Variants in NSMCE2 observed in about 807,000 individuals in gnomAD.
NSMCE2 encodes E3 SUMO-protein ligase NSE2.
Under a neutral mutation model 23.8 loss-of-function variants are expected in NSMCE2, and 24 were observed. That is an observed-to-expected ratio of 1.01 (90% CI 0.73 to 1.42). The LOEUF (loss-of-function observed/expected upper bound fraction) is 1.42, where lower values mean the gene tolerates loss of function less well. Ranked by LOEUF, NSMCE2 falls within the 40% of genes most tolerant of loss-of-function variation. The probability of loss-of-function intolerance (pLI) is 0.00; values close to 1 mark genes in which losing one functional copy is unlikely to be tolerated. For synonymous variants in NSMCE2, 92 were observed against 94.1 expected (o/e 0.98, Z 0.13); for missense variants, 284 against 296.5 (o/e 0.96, Z 0.31).
chr8:125,239,856 AC>A (rs1825699999), intron 5 of NSMCE2, among the ~76,000 whole-genome samples: 2 of 152,140 alleles, frequency 1.3e-5, no homozygotes, highest in Non-Finnish European at 2.9e-5. Context: ...AAAGTATATA[AC>A]CTGTGCTGTA....
At position 125,130,099 on chromosome 8, in the gene NSMCE2, T is replaced by G. The variant is rs968851236; in HGVS notation, c.158-21072T>G. The G allele has an allele frequency of 3.8e-5, 10 of 265,728 alleles. No homozygotes were observed. In the East Asian group the frequency reaches 9.7e-4, roughly 26 times the overall value. The allele number at this position is 265,728 out of a possible 1,614,324, so 16.5% of individuals were successfully genotyped here. ...GTAGACGCTTCTTAGTTGGTTTCGC[T>G]TTTTTTTTTCTTGTAATCCTGACAG... On this transcript the variant is annotated intron_variant, in intron 3 of 7. Transcript: ENST00000287437.
Position 125,242,784 on chromosome 8 carries a change from C to T in NSMCE2, c.418+60528C>T, listed in dbSNP as rs78430007. Among the ~76,000 whole-genome samples the T allele has an allele frequency of 6.7e-3, 1,018 of 152,290 alleles. 8 individuals carry two copies. The highest frequency in any genetic ancestry group is 0.023 in the African/African-American group (968 of 41,562). ...CAGAGTCCCCCACTCACAGCACAAA[C>T]GCATACCCATGCGATGGCTCAGAAT... is the stretch of plus-strand genomic sequence containing the variant. On this transcript the variant is annotated intron_variant, in intron 5 of 7. Coordinates refer to ENST00000287437, the MANE Select transcript of NSMCE2 (RefSeq NM_173685.4).
At chr8:125,207,045 C>T (rs1824144830) in intron 5 of NSMCE2, among the ~76,000 whole-genome samples, 1 of 152,164 alleles carries the variant, frequency 6.6e-6, no homozygotes, top group African/African-American at 2.4e-5. Context: ...AGGATGCACA[C>T]ATTTCTGAGT....
intron 5 of NSMCE2, among the ~76,000 whole-genome samples, chr8:125,242,068 T>A (rs944718548): frequency 3.9e-5 from 6 of 152,084 alleles, no homozygotes; most frequent in Non-Finnish European, 8.8e-5. Flanking sequence ...AGAATCACTG[T>A]GTCTAATGGA....
intron 5 of NSMCE2, among the ~76,000 whole-genome samples, chr8:125,205,822 G>A (rs995489622): frequency 1.3e-5 from 2 of 152,120 alleles, no homozygotes; most frequent in Non-Finnish European, 2.9e-5. Flanking sequence ...AATAAAATAT[G>A]CTATCTCTGA....
chr8:125,209,058 C>T (rs1301901547), intron 5 of NSMCE2, among the ~76,000 whole-genome samples: 5 of 152,184 alleles, frequency 3.3e-5, no homozygotes, highest in East Asian at 1.9e-4. Flanking sequence ...ATGATCCCCT[C>T]GTCTCAGTCT....
chr8:125,164,455 A>G (rs920536567), intron 4 of NSMCE2, among the ~76,000 whole-genome samples: 7 of 152,326 alleles, frequency 4.6e-5, no homozygotes, highest in African/African-American at 7.2e-5. Context: ...GTTATAAAGT[A>G]TATTTATGAT....
At chr8:125,237,931 A>T (rs544763443) in intron 5 of NSMCE2, among the ~76,000 whole-genome samples, 1 of 152,184 alleles carries the variant, frequency 6.6e-6, no homozygotes, top group Non-Finnish European at 1.5e-5. Context: ...GTACTAAGCT[A>T]TGTTACCCCA....
chr8:125,292,510 C>T (rs991139729), intron 5 of NSMCE2, among the ~76,000 whole-genome samples: 1 of 151,688 alleles, frequency 6.6e-6, no homozygotes, highest in African/African-American at 2.4e-5. Context: ...GCTGAGATCA[C>T]GCCATTGCAC....
At chr8:125,239,608 CAAAA>C (rs71295823) in intron 5 of NSMCE2, among the ~76,000 whole-genome samples, 2 of 95,736 alleles carry the variant, frequency 2.1e-5, no homozygotes, top group Non-Finnish European at 4.4e-5. Flanking sequence ...GACTCTGTCT[CAAAA>C]AAAAAAAAAA....
intron 4 of NSMCE2, among the ~76,000 whole-genome samples, chr8:125,170,954 C>G (rs1054620612): frequency 1.3e-5 from 2 of 152,170 alleles, no homozygotes; most frequent in African/African-American, 4.8e-5. Flanking sequence ...ACATCTCTCT[C>G]AGAATAAAAG....
At chr8:125,242,092 G>A (rs1049241683) in intron 5 of NSMCE2, among the ~76,000 whole-genome samples, 1 of 151,208 alleles carries the variant, frequency 6.6e-6, no homozygotes, top group African/African-American at 2.5e-5. Flanking sequence ...GTATCTCTAT[G>A]TAAACAATAA....
intron 4 of NSMCE2, among the ~76,000 whole-genome samples, chr8:125,162,932 A>T (rs931072040): frequency 6.6e-6 from 1 of 152,214 alleles, no homozygotes; most frequent in African/African-American, 2.4e-5. Context: ...CTGCCCCCTC[A>T]GAATTTTGCA....
intron 5 of NSMCE2, among the ~76,000 whole-genome samples, chr8:125,318,706 C>T (rs146370745): frequency 2.6e-5 from 4 of 152,210 alleles, no homozygotes; most frequent in East Asian, 1.9e-4. Flanking sequence ...GAAACAACCA[C>T]GGCACTCAAG....
intron 3 of NSMCE2, among the ~76,000 whole-genome samples, chr8:125,134,328 C>T (rs1819945670): frequency 6.6e-6 from 1 of 152,124 alleles, no homozygotes; most frequent in South Asian, 2.1e-4. Context: ...AATAGAGTTA[C>T]TATTAGAAGT....
chr8:125,167,694 G>T (rs1821961803), intron 4 of NSMCE2, among the ~76,000 whole-genome samples: 1 of 151,804 alleles, frequency 6.6e-6, no homozygotes, highest in East Asian at 1.9e-4. Flanking sequence ...TTATGCTAAA[G>T]GGATGGGAAT....
At chr8:125,214,979 T>A (rs1824510897) in intron 5 of NSMCE2, among the ~76,000 whole-genome samples, 1 of 152,138 alleles carries the variant, frequency 6.6e-6, no homozygotes, top group African/African-American at 2.4e-5. Flanking sequence ...AAACAGTAAT[T>A]CCCCATGTCC....
At chr8:125,310,546 G>T (rs1052249309) in intron 5 of NSMCE2, among the ~76,000 whole-genome samples, 5 of 152,112 alleles carry the variant, frequency 3.3e-5, no homozygotes, top group Non-Finnish European at 7.4e-5. Flanking sequence ...ATAAAGTTTT[G>T]TTGCTGTTTC....
At chr8:125,271,307 G>C (rs1827180692) in intron 5 of NSMCE2, among the ~76,000 whole-genome samples, 1 of 151,902 alleles carries the variant, frequency 6.6e-6, no homozygotes, top group African/African-American at 2.4e-5. Flanking sequence ...AAGTAGTGAG[G>C]GGGGTCTAAG....
Sources: allele counts gnomAD v4.1 joint callset (sites outside exome capture counted in the v4.1 genomes callset), GRCh38; gene constraint gnomAD v4.1.1; transcripts MANE v1.5; gene names NCBI Gene and HGNC (gene_info 2026-07-23, HGNC 2026-07-21).